LDHC: variants seen among roughly 807,000 people sequenced by gnomAD.
LDHC encodes the protein L-lactate dehydrogenase C chain.
A neutral mutation model predicts 30.2 loss-of-function variants in LDHC; 20 were observed. The ratio of observed to expected loss-of-function variants is 0.66; its 90% CI spans 0.47 to 0.96. LDHC has a LOEUF of 0.96. LDHC is among the 40% of genes least tolerant of loss of function. LDHC has a pLI of 0.00. For missense variants in LDHC, 362 were observed against 394.9 expected (o/e 0.92, Z 0.71); for synonymous variants, 139 against 132.7 (o/e 1.05, Z -0.32).
chr11:18,438,828 G>A (rs1848405613), intron 6 of LDHC, among the ~76,000 whole-genome samples, 183 bp downstream of exon 6: 1 of 152,098 alleles, frequency 6.6e-6, no homozygotes, highest in African/African-American at 2.4e-5. Flanking sequence ...AAAAGAAAAA[G>A]TACTTATTAT....
At chr11:18,427,737 GCA>G in intron 3 of LDHC, among the ~76,000 whole-genome samples, 1 of 150,618 alleles carries the variant, frequency 6.6e-6, no homozygotes, top group East Asian at 2.0e-4. Flanking sequence ...GAATGCAGTG[GCA>G]CAGTCTCGGC....
At chr11:18,425,891 A>C (rs1339534406) in intron 3 of LDHC, among the ~76,000 whole-genome samples, 1 of 151,956 alleles carries the variant, frequency 6.6e-6, no homozygotes, top group East Asian at 1.9e-4. Flanking sequence ...CAGTGAGCCG[A>C]GATCGCGCCA....
At chr11:18,431,529 G>A (rs2134059987) in intron 4 of LDHC, among the ~76,000 whole-genome samples, 1 of 152,218 alleles carries the variant, frequency 6.6e-6, no homozygotes, top group Middle Eastern at 3.4e-3. Context: ...ATCATTGTGT[G>A]TGTTTTTGTT....
At chr11:18,443,330 C>T (rs567332697) in intron 6 of LDHC, among the ~76,000 whole-genome samples, 68 of 152,274 alleles carry the variant, frequency 4.5e-4, no homozygotes, top group African/African-American at 1.6e-3. Flanking sequence ...TTGTTTTAAC[C>T]GATAGCGGTT....
At chr11:18,436,317 G>A (rs566321783) in intron 5 of LDHC, among the ~76,000 whole-genome samples, 21 of 151,404 alleles carry the variant, frequency 1.4e-4, no homozygotes, top group South Asian at 8.4e-4. Context: ...ATGATTTTTC[G>A]GTTTCCTTCC....
chr11:18,417,362 C>T (rs954599834), intron 3 of LDHC, among the ~76,000 whole-genome samples: 1 of 152,150 alleles, frequency 6.6e-6, no homozygotes, highest in African/African-American at 2.4e-5. Context: ...TAAAAGTGTT[C>T]ATGAAGCAGT....
intron 3 of LDHC, among the ~76,000 whole-genome samples, chr11:18,419,751 G>A (rs73436650): frequency 0.15 from 22,723 of 151,996 alleles, 1,882 homozygotes; most frequent in African/African-American, 0.21. Context: ...GAGACAGGAG[G>A]CTATAAAAAC....
intron 3 of LDHC, among the ~76,000 whole-genome samples, chr11:18,422,502 C>G (rs1023305052): frequency 6.7e-6 from 1 of 149,336 alleles, no homozygotes; most frequent in Non-Finnish European, 1.5e-5. Context: ...TGCAGTGAGC[C>G]GAGATTGTGG....
At chr11:18,439,762 G>T (rs565396382) in intron 6 of LDHC, among the ~76,000 whole-genome samples, 36 of 136,326 alleles carry the variant, frequency 2.6e-4, no homozygotes, top group African/African-American at 8.8e-4. Flanking sequence ...ATCACCTGAG[G>T]TCAGGAGTTC....
chr11:18,443,337 G>A (rs1474737831), intron 6 of LDHC, among the ~76,000 whole-genome samples: 1 of 152,120 alleles, frequency 6.6e-6, no homozygotes, highest in East Asian at 1.9e-4. Context: ...AACCGATAGC[G>A]GTTTCCAAGT....
chr11:18,433,107 C>T (rs1335143148), intron 4 of LDHC, among the ~76,000 whole-genome samples: 2 of 152,172 alleles, frequency 1.3e-5, no homozygotes, highest in South Asian at 2.1e-4. Flanking sequence ...AGTTCTGGGC[C>T]AGGCACAGTG....
At chr11:18,439,829 A>AAC (rs532428441) in intron 6 of LDHC, among the ~76,000 whole-genome samples, 9 of 114,744 alleles carry the variant, frequency 7.8e-5, no homozygotes, top group East Asian at 2.3e-4. Flanking sequence ...AAAAAAAAAA[A>AAC]AAAAAAACAA....
At chr11:18,416,976 G>A (rs905668145) in intron 3 of LDHC, among the ~76,000 whole-genome samples, 6 of 151,884 alleles carry the variant, frequency 4.0e-5, no homozygotes, top group South Asian at 2.1e-4. Flanking sequence ...CTCCACCTCC[G>A]AGGTTCAAAC....
chr11:18,431,665 C>T (rs1257035268), intron 4 of LDHC, among the ~76,000 whole-genome samples: 2 of 152,070 alleles, frequency 1.3e-5, no homozygotes, highest in Non-Finnish European at 2.9e-5. Context: ...CCTGTTCAGC[C>T]TCCCATGTTG....
intron 3 of LDHC, among the ~76,000 whole-genome samples, chr11:18,423,960 A>T (rs1170097492): frequency 6.6e-6 from 1 of 152,184 alleles, no homozygotes; most frequent in Non-Finnish European, 1.5e-5. Flanking sequence ...AGCACAGGAA[A>T]ATAAAAACCA....
chr11:18,437,579 C>T (rs12416742), intron 5 of LDHC, among the ~76,000 whole-genome samples: 4,971 of 151,974 alleles, frequency 0.033, 105 homozygotes, highest in Non-Finnish European at 0.048. Flanking sequence ...AGTGAAAACC[C>T]GTCTCTACTA....
chr11:18,418,535 T>G (rs1867063941), intron 3 of LDHC, among the ~76,000 whole-genome samples: 1 of 151,840 alleles, frequency 6.6e-6, no homozygotes, highest in African/African-American at 2.4e-5. Context: ...GTTCAAGAGA[T>G]TCTCCTGCCT....
chr11:18,424,300 T>C (rs978387352), intron 3 of LDHC, among the ~76,000 whole-genome samples: 1 of 152,054 alleles, frequency 6.6e-6, no homozygotes, highest in African/African-American at 2.4e-5. Context: ...GGGAATCGCT[T>C]GAACCCAGGA....
Position 18,451,028 on chromosome 11 carries a change from C to T in LDHC, c.900C>T (p.Val300=). 6.3e-7 allele frequency: 1 copy of T among 1,595,168 alleles called. No individual in the cohort carries two copies. Among genetic ancestry groups the T allele is most frequent in the African/African-American group, 1.4e-5 (1 of 74,006 alleles). Residue 300 remains valine, a synonymous_variant, in exon 8 of 8, where the codon GTC becomes GTT. Coordinates refer to ENST00000541669, the MANE Select transcript of LDHC (RefSeq NM_017448.5). ...SIPCVLGRNG[V]SDVVKINLNS... ...CTTGTGTCTTGGGGCGGAATGGTGT[C>T]TCAGATGTTGTGAAAATTAACTTGA...
Sources: allele counts gnomAD v4.1 joint callset (sites outside exome capture counted in the v4.1 genomes callset), GRCh38; gene constraint gnomAD v4.1.1; transcripts MANE v1.5; gene names NCBI Gene and HGNC (gene_info 2026-07-23, HGNC 2026-07-21).